Variants in SGK1 observed in about 807,000 individuals in gnomAD.
The protein encoded by SGK1 is serine/threonine-protein kinase Sgk1.
SGK1 carries 26 observed loss-of-function variants against 64.2 expected under a neutral mutation model. The ratio of observed to expected loss-of-function variants is 0.40; its 90% CI spans 0.30 to 0.56. The LOEUF (loss-of-function observed/expected upper bound fraction) is 0.56. SGK1 is among the 20% of genes least tolerant of loss of function. The probability of loss-of-function intolerance (pLI) is 0.38; values close to 1 mark genes in which losing one functional copy is unlikely to be tolerated. For missense variants in SGK1, 519 were observed against 645.6 expected (o/e 0.80, Z 2.12); for synonymous variants, 265 against 239.7 (o/e 1.11, Z -0.98).
chr6:134,253,586 G>A lies in SGK1; in HGVS notation c.285+8347C>T, dbSNP rs560243875. ...GAGGATTGCTTGAGCCCAGGAAATC[G>A]AGGCTGCAGTGAGCCCTGATTGTGC... On this transcript the variant is annotated intron_variant, in intron 2 of 13. Coordinates refer to ENST00000367858, the MANE Select transcript of SGK1 (RefSeq NM_001143676.3). 4.6e-5 allele frequency among the ~76,000 whole-genome samples: 7 copies of A among 152,236 alleles called. No individual in the cohort carries two copies. In the East Asian group the frequency reaches 5.8e-4, roughly 13 times the overall value.
At chr6:134,252,644 G>A (rs778523194) in intron 2 of SGK1, among the ~76,000 whole-genome samples, 13 of 107,578 alleles carry the variant, frequency 1.2e-4, no homozygotes, top group Non-Finnish European at 2.2e-4. Flanking sequence ...AAAAAAAGCC[G>A]CAGACAGGAT....
intron 3 of SGK1, among the ~76,000 whole-genome samples, chr6:134,176,595 T>C (rs893627915): frequency 3.3e-5 from 5 of 151,970 alleles, no homozygotes; most frequent in Non-Finnish European, 5.9e-5. Flanking sequence ...GCCAGGTACC[T>C]GGCGCTCGCT....
intron 1 of SGK1, among the ~76,000 whole-genome samples, chr6:134,263,260 A>T (rs774311388): frequency 6.6e-6 from 1 of 152,200 alleles, no homozygotes; most frequent in African/African-American, 2.4e-5. Flanking sequence ...TTATTGAGAC[A>T]GGATCTTCCT....
chr6:134,172,970 CA>C, intron 8 of SGK1, 52 bp downstream of exon 8: 1 of 1,565,190 alleles, frequency 6.4e-7, no homozygotes, highest in Non-Finnish European at 8.7e-7. Context: ...CAAACTAAAA[CA>C]AAGCAGGCTG....
intron 2 of SGK1, among the ~76,000 whole-genome samples, chr6:134,224,007 G>GTATT: frequency 6.6e-6 from 1 of 152,342 alleles, no homozygotes; most frequent in East Asian, 1.9e-4. Context: ...GTTCCCAGAT[G>GTATT]TATTGGAAGA....
intron 3 of SGK1, among the ~76,000 whole-genome samples, chr6:134,198,619 T>C (rs910028814): frequency 6.6e-5 from 10 of 151,972 alleles, no homozygotes; most frequent in African/African-American, 2.4e-4. Context: ...GTTTTCAAAT[T>C]ATGAATCATT....
chr6:134,174,879 G>C, intron 3 of SGK1: 1 of 1,604,234 alleles, frequency 6.2e-7, no homozygotes. Flanking sequence ...CAGGCCGCGC[G>C]CTCGGCCTTA....
chr6:134,306,289 G>A (rs1777534009), intron 1 of SGK1, among the ~76,000 whole-genome samples: 2 of 152,054 alleles, frequency 1.3e-5, no homozygotes, highest in South Asian at 4.2e-4. Context: ...TGGGCATGAT[G>A]GTGCATGCCT....
intron 2 of SGK1, among the ~76,000 whole-genome samples, chr6:134,211,908 T>G (rs1455220375): frequency 3.4e-5 from 5 of 147,576 alleles, no homozygotes; most frequent in Non-Finnish European, 7.5e-5. Context: ...AAATCCCTCC[T>G]ACCTGACTAA....
chr6:134,182,738 A>G (rs1433010916), intron 3 of SGK1, among the ~76,000 whole-genome samples: 2 of 152,228 alleles, frequency 1.3e-5, no homozygotes, highest in East Asian at 3.8e-4. Context: ...GGCGAGGCCT[A>G]TGTGACAGGA....
intron 2 of SGK1, among the ~76,000 whole-genome samples, chr6:134,239,832 A>G (rs1369167084): frequency 6.6e-6 from 1 of 152,252 alleles, no homozygotes; most frequent in African/African-American, 2.4e-5. Flanking sequence ...TCTGCCCCAC[A>G]TTAAACACAC....
chr6:134,307,399 G>A (rs1777549625), intron 1 of SGK1, among the ~76,000 whole-genome samples: 1 of 151,934 alleles, frequency 6.6e-6, no homozygotes, highest in African/African-American at 2.4e-5. Flanking sequence ...CAATTATATT[G>A]ACGTTCGTTG....
At chr6:134,269,988 C>T (rs1473619824) in intron 1 of SGK1, among the ~76,000 whole-genome samples, 1 of 147,438 alleles carries the variant, frequency 6.8e-6, no homozygotes, top group African/African-American at 2.4e-5. Context: ...ATGGCGCGAT[C>T]TCAGCTCACT....
intron 1 of SGK1, among the ~76,000 whole-genome samples, chr6:134,302,204 C>T (rs948207906): frequency 4.6e-5 from 7 of 152,312 alleles, no homozygotes; most frequent in African/African-American, 1.7e-4. Flanking sequence ...TCATCAATAA[C>T]TAATTATACA....
intron 10 of SGK1, 83 bp downstream of exon 10, chr6:134,172,110 T>C (rs1328623345): frequency 2.0e-6 from 3 of 1,477,212 alleles, no homozygotes; most frequent in Admixed American, 2.0e-5. Context: ...GAGTTTACTC[T>C]TTTTGGTAGT....
rs1484062515 is a variant in SGK1, at chr6:134,232,487, A to AAGAAAG, written c.286-25057_286-25056insCTTTCT. Among the ~76,000 whole-genome samples the AAGAAAG allele has an allele frequency of 3.5e-5, 5 of 143,508 alleles. 1 individual carries two copies. The highest frequency in any genetic ancestry group is 1.4e-4 in the African/African-American group (5 of 36,668). 94.1% of individuals were successfully genotyped at this position (143,508 alleles called of 152,430 possible). A position where few individuals can be genotyped will look rare whatever the true frequency, so the allele number is the denominator to read the frequency against. On this transcript the variant is annotated intron_variant, in intron 2 of 13. Coordinates refer to ENST00000367858, the MANE Select transcript of SGK1 (RefSeq NM_001143676.3). Reference sequence around the variant, plus strand: ...AGAAAGAAAGAAAGAAAGAAAGAGAAAGAAAAAGAAAAGAAAGAAGAGGGA... The same window carrying AAGAAAG: ...AGAAAGAAAGAAAGAAAGAAAGAGAAAGAAAGAGAAAAAGAAAAGAAAGAAGAGGGA...
intron 3 of SGK1, among the ~76,000 whole-genome samples, chr6:134,179,762 G>A (rs984779120): frequency 2.0e-5 from 3 of 152,042 alleles, no homozygotes; most frequent in Non-Finnish European, 4.4e-5. Context: ...ATTTATCGCA[G>A]GGTTTATATT....
chr6:134,172,496 C>T, intron 9 of SGK1, 166 bp downstream of exon 9: 3 of 791,820 alleles, frequency 3.8e-6, no homozygotes, highest in Non-Finnish European at 6.0e-6. Flanking sequence ...TCCTACTTGG[C>T]TGGTTCCCCC....
At chr6:134,291,633 G>C (rs1158883540) in intron 1 of SGK1, among the ~76,000 whole-genome samples, 4 of 152,164 alleles carry the variant, frequency 2.6e-5, no homozygotes, top group African/African-American at 4.8e-5. Context: ...TTTGTTCTTT[G>C]TTTCTTTCTT....
Sources: allele counts gnomAD v4.1 joint callset (sites outside exome capture counted in the v4.1 genomes callset), GRCh38; gene constraint gnomAD v4.1.1; transcripts MANE v1.5; gene names NCBI Gene and HGNC (gene_info 2026-07-23, HGNC 2026-07-21).